The following TRERF1 variants were observed in gnomAD, a reference collection of about 807,000 sequenced individuals.
TRERF1 encodes transcriptional regulating factor 1.
In TRERF1, 27 loss-of-function variants were observed where a neutral mutation model predicts 122.9. That is an observed-to-expected ratio of 0.22 (90% CI 0.16 to 0.30). TRERF1 has a LOEUF of 0.30. TRERF1 is among the 10% of genes least tolerant of loss of function. The pLI is 1.00. For missense variants in TRERF1, 1,248 were observed against 1,560.3 expected, an observed-to-expected ratio of 0.80 and a Z score of 3.37; for synonymous variants, 636 against 641.7, an observed-to-expected ratio of 0.99 and a Z score of 0.13.
At chr6:42,256,596 G>C in intron 12 of TRERF1, 132 bp downstream of exon 12, 1 of 692,496 alleles carries the variant, frequency 1.4e-6, no homozygotes, top group South Asian at 1.8e-5. Flanking sequence ...AGAAGGAATA[G>C]GGAGGCGTGC....
At chr6:42,236,114 G>C (rs1486698188) in intron 16 of TRERF1, 91 bp downstream of exon 16, 2 of 1,474,022 alleles carry the variant, frequency 1.4e-6, no homozygotes, top group East Asian at 4.7e-5. Context: ...TGTTGGAAGA[G>C]CACTCTCGAA....
At chr6:42,333,917 G>A (rs998316558) in intron 3 of TRERF1, among the ~76,000 whole-genome samples, 3 of 151,886 alleles carry the variant, frequency 2.0e-5, no homozygotes, top group African/African-American at 4.8e-5. Flanking sequence ...ATGCAGCAAA[G>A]ATATTTTTTC....
chr6:42,373,288 T>C (rs1036460335), intron 2 of TRERF1, among the ~76,000 whole-genome samples: 1 of 151,970 alleles, frequency 6.6e-6, no homozygotes, highest in Non-Finnish European at 1.5e-5. Flanking sequence ...ATCCTAGCAC[T>C]TTGGGAGGCC....
chr6:42,346,612 G>A (rs529334692), intron 3 of TRERF1, among the ~76,000 whole-genome samples: 8 of 152,232 alleles, frequency 5.3e-5, no homozygotes, highest in Admixed American at 2.6e-4. Flanking sequence ...CCAAGTCAAG[G>A]ACATTGCAAA....
At chr6:42,412,959 C>A (rs1781328775) in intron 2 of TRERF1, among the ~76,000 whole-genome samples, 1 of 151,772 alleles carries the variant, frequency 6.6e-6, no homozygotes, top group South Asian at 2.1e-4. Flanking sequence ...GGCCCTGTGT[C>A]AAAAATAAAT....
chr6:42,260,072 C>T (rs1010719192), intron 8 of TRERF1, among the ~76,000 whole-genome samples: 3 of 151,998 alleles, frequency 2.0e-5, no homozygotes, highest in Admixed American at 1.3e-4. Flanking sequence ...CTTTAATTCC[C>T]CCATTGCTCC....
At chr6:42,450,826 G>A (rs553494597) in intron 2 of TRERF1, among the ~76,000 whole-genome samples, 1 of 152,314 alleles carries the variant, frequency 6.6e-6, no homozygotes, top group African/African-American at 2.4e-5. Context: ...ATACACATAT[G>A]TATCATGTCA....
At chr6:42,233,366 A>C (rs950137296) in intron 16 of TRERF1, among the ~76,000 whole-genome samples, 2 of 150,690 alleles carry the variant, frequency 1.3e-5, no homozygotes, top group African/African-American at 2.4e-5. Context: ...GCTCACTGCA[A>C]GCTCCGCCTC....
chr6:42,346,675 T>C (rs1209275427), intron 3 of TRERF1, among the ~76,000 whole-genome samples: 1 of 152,152 alleles, frequency 6.6e-6, no homozygotes, highest in African/African-American at 2.4e-5. Context: ...AGAGAGCAAG[T>C]GGCATCTAAA....
chr6:42,279,877 G>A (rs1426933142), intron 4 of TRERF1, among the ~76,000 whole-genome samples: 1 of 151,758 alleles, frequency 6.6e-6, no homozygotes, highest in Non-Finnish European at 1.5e-5. Flanking sequence ...GAGAAGAAGC[G>A]ATCATCTTAA....
intron 2 of TRERF1, among the ~76,000 whole-genome samples, chr6:42,447,974 G>A (rs1787838432): frequency 6.6e-6 from 1 of 152,172 alleles, no homozygotes; most frequent in Non-Finnish European, 1.5e-5. Flanking sequence ...AAAGTGCTGG[G>A]ATTACAGGCA....
chr6:42,447,121 T>A (rs1787661874), intron 2 of TRERF1, among the ~76,000 whole-genome samples: 1 of 152,168 alleles, frequency 6.6e-6, no homozygotes, highest in Admixed American at 6.5e-5. Context: ...AAAAGAAATG[T>A]TTATGTTGCT....
intron 2 of TRERF1, among the ~76,000 whole-genome samples, chr6:42,415,319 T>C (rs1781683247): frequency 6.6e-6 from 1 of 152,190 alleles, no homozygotes; most frequent in Non-Finnish European, 1.5e-5. Flanking sequence ...TCCAAATTAT[T>C]TTTCTCAGAT....
rs150394110 is a variant in TRERF1 at position 42,310,849 on chromosome 6, G to C, written c.-370-10100C>G. ...CAAAAATGCAGAACAAGAAGTTCTG[G>C]TTTCCAGAATAATCTATAAACTCAT... is the stretch of plus-strand genomic sequence containing the variant. On this transcript the variant is annotated intron_variant, in intron 3 of 17. Transcript: ENST00000372922. Among the ~76,000 whole-genome samples the C allele has an allele frequency of 1.8e-4, 28 of 152,280 alleles. No individual in the cohort carries two copies. In the South Asian group the frequency reaches 2.7e-3, roughly 15 times the overall value.
intron 3 of TRERF1, among the ~76,000 whole-genome samples, chr6:42,322,117 G>A (rs1370055056): frequency 6.6e-6 from 1 of 152,098 alleles, no homozygotes; most frequent in Non-Finnish European, 1.5e-5. Context: ...AGGAAGTACT[G>A]TTGTTAAGAA....
At chr6:42,441,769 G>GTGA (rs1168994328) in intron 2 of TRERF1, among the ~76,000 whole-genome samples, 1 of 152,116 alleles carries the variant, frequency 6.6e-6, no homozygotes, top group Non-Finnish European at 1.5e-5. Context: ...ACAGAAATGA[G>GTGA]TGATGACCCA....
At chr6:42,354,631 T>A (rs961320134) in intron 3 of TRERF1, among the ~76,000 whole-genome samples, 2 of 152,190 alleles carry the variant, frequency 1.3e-5, no homozygotes, top group Non-Finnish European at 2.9e-5. Flanking sequence ...CCCCACTGAT[T>A]TGTGATGACT....
chr6:42,318,140 C>A (rs974102309), intron 3 of TRERF1, among the ~76,000 whole-genome samples: 26 of 150,252 alleles, frequency 1.7e-4, no homozygotes, highest in African/African-American at 6.1e-4. Context: ...AGTAACAGGG[C>A]GAGACTCTGT....
chr6:42,349,640 C>T (rs767419982), intron 3 of TRERF1, among the ~76,000 whole-genome samples: 3 of 152,068 alleles, frequency 2.0e-5, no homozygotes, highest in Non-Finnish European at 4.4e-5. Flanking sequence ...AAAGTGATTA[C>T]TGGGTCTGCC....
Sources: gnomAD v4.1 joint callset for allele counts (sites outside exome capture counted in the v4.1 genomes callset) on GRCh38, gnomAD v4.1.1 for gene constraint, MANE v1.5 for transcripts, NCBI Gene and HGNC (gene_info 2026-07-23, HGNC 2026-07-21) for gene names.